The following ALAS2 variants were observed in gnomAD, a reference collection of about 807,000 sequenced individuals.
ALAS2 encodes the protein 5-aminolevulinate synthase, erythroid-specific, mitochondrial.
Under a neutral mutation model 33.7 loss-of-function variants are expected in ALAS2, and 3 were observed. That is an observed-to-expected ratio of 0.09 (90% confidence interval 0.04 to 0.23). The LOEUF is 0.23. Among genes scored for constraint, ALAS2 ranks in the 10% least tolerant of loss-of-function variants. The probability of loss-of-function intolerance (pLI) is 1.00; values close to 1 mark genes in which losing one functional copy is unlikely to be tolerated. For synonymous variants in ALAS2, 191 were observed against 177.3 expected (o/e 1.08, Z -0.61); for missense variants, 304 against 475.1 (o/e 0.64, Z 3.35).
At chrX:55,022,032 T>C (rs1228919271) in intron 4 of ALAS2, among the ~76,000 whole-genome samples, 2 of 112,289 alleles carry the variant, frequency 1.8e-5, no homozygotes. Context: ...ACCAGGGTCA[T>C]GCAGCAAGTA....
intron 7 of ALAS2, 92 bp downstream of exon 7, chrX:55,017,394 C>G (rs1488275461): frequency 1.2e-6 from 1 of 820,881 alleles, no homozygotes; most frequent in Non-Finnish European, 1.8e-6. Context: ...TAAATATTAG[C>G]TGTTATAATG....
At chrX:55,017,159 A>C (rs773375858) in intron 7 of ALAS2, among the ~76,000 whole-genome samples, 28 of 111,848 alleles carry the variant, frequency 2.5e-4, no homozygotes, top group Non-Finnish European at 4.9e-4. Context: ...TTGGATGCCA[A>C]CTCTGAACTT....
chrX:55,011,300 CTG>C, intron 10 of ALAS2, among the ~76,000 whole-genome samples: 1 of 111,842 alleles, frequency 8.9e-6, no homozygotes, highest in African/African-American at 3.2e-5. Context: ...AACTGTCAGT[CTG>C]TATATTAAAG....
At chrX:55,018,868 A>T (rs1935750589) in intron 6 of ALAS2, among the ~76,000 whole-genome samples, 1 of 111,505 alleles carries the variant, frequency 9.0e-6, no homozygotes, top group African/African-American at 3.3e-5. Context: ...AATTTTCTTT[A>T]AAAAATGATG....
rs1198055689 is a variant in ALAS2 at position 55,021,134 on chromosome X, C to G, written c.556G>C (p.Val186Leu). 2.5e-6 allele frequency: 3 copies of G among 1,211,754 alleles called. No individual in the cohort carries two copies. Among genetic ancestry groups the G allele is most frequent in the Non-Finnish European group, 3.4e-6 (3 of 895,518 alleles). ...PFAQHFSEAS[V>L]ASKDVSVWCS... is the part of the protein sequence containing the mutation. Reference sequence around the variant, plus strand: ...CAGACGGACACATCCTTTGAGGCCACAGATGCCTCAGAGAAATGTTGGGCA... The same window carrying G: ...CAGACGGACACATCCTTTGAGGCCAGAGATGCCTCAGAGAAATGTTGGGCA... Residue 186 changes from valine to leucine, a missense_variant, in exon 5 of 11, where the codon GTG becomes CTG. Physicochemically the swap from Val to Leu is conservative, Grantham distance 32 (BLOSUM62 1). Around this residue, in one of 3 missense-constraint regions of ALAS2, gnomAD observed 138 missense variants for 265.3 expected, o/e 0.52. Transcript: ENST00000650242.
chrX:55,016,024 CAT>C (rs1343454588), intron 7 of ALAS2, among the ~76,000 whole-genome samples: 4 of 91,328 alleles, frequency 4.4e-5, no homozygotes, highest in African/African-American at 1.6e-4. Context: ...TGTGTGTGCG[CAT>C]GTGTGTGTGT....
intron 9 of ALAS2, 65 bp downstream of exon 9, chrX:55,014,682 G>T: frequency 9.4e-7 from 1 of 1,064,991 alleles, no homozygotes; most frequent in Non-Finnish European, 1.2e-6. Context: ...ATGTAGGTTT[G>T]TTGGGAGCGT....
intron 4 of ALAS2, among the ~76,000 whole-genome samples, chrX:55,023,252 A>T (rs1602251326): frequency 9.1e-6 from 1 of 110,108 alleles, no homozygotes. Context: ...CTGGGAGAAA[A>T]TATAACAAAA....
intron 4 of ALAS2, 56 bp downstream of exon 4, chrX:55,023,701 C>T: frequency 9.8e-7 from 1 of 1,018,822 alleles, no homozygotes; most frequent in Middle Eastern, 2.6e-4. Context: ...GACAGAGGCC[C>T]TTTCAGAATG....
At chrX:55,011,357 A>C (rs1360003432) in intron 10 of ALAS2, among the ~76,000 whole-genome samples, 4 of 112,208 alleles carry the variant, frequency 3.6e-5, no homozygotes, top group Non-Finnish European at 7.5e-5. Context: ...AGATAAAAAA[A>C]CATAAAATTC....
chrX:55,015,726 G>C lies in ALAS2; in HGVS notation c.1020C>G (p.Leu340=), dbSNP rs773826377. ...VHSMDGAICP[L]EELCDVSHQY... is the part of the protein sequence containing the mutation. ...GGTGGGACACATCACACAACTCCTC[G>C]AGGGGACAGATGGCACCTGAGCAAA... Residue 340 remains leucine (L), a synonymous_variant, in exon 8 of 11, where the codon CTC becomes CTG. Transcript: ENST00000650242. 2 of 1,211,034 alleles carry C rather than the reference G, an allele frequency of 1.7e-6. No homozygotes were observed. Among genetic ancestry groups the C allele is most frequent in the Admixed American group, 4.4e-5 (2 of 45,947 alleles).
chrX:55,023,980 G>A (rs1191724361), intron 3 of ALAS2, 113 bp from the exon 4 acceptor site: 2 of 596,382 alleles, frequency 3.4e-6, no homozygotes, highest in East Asian at 3.6e-5. Flanking sequence ...TATAAGGTAA[G>A]GGCAGCTTCT....
chrX:55,009,358 G>C lies in ALAS2; in HGVS notation c.1601-15C>G. ...CAGCAGCTTCTCTGAAGGTGGTAGGGGGAGGGGAGGGAAAAAATGGGTTAG... is the reference window on the plus strand; with the variant it reads ...CAGCAGCTTCTCTGAAGGTGGTAGGCGGAGGGGAGGGAAAAAATGGGTTAG... On this transcript the variant is annotated splice_polypyrimidine_tract_variant and intron_variant, in intron 10 of 10. Transcript: ENST00000650242. 1 of 1,187,882 alleles carries C rather than the reference G, an allele frequency of 8.4e-7. No homozygotes were observed. The highest frequency in any genetic ancestry group is 1.1e-6 in the Non-Finnish European group (1 of 882,628).
chrX:55,020,136 G>A (rs1017207004), intron 6 of ALAS2, among the ~76,000 whole-genome samples, 184 bp downstream of exon 6: 5 of 111,692 alleles, frequency 4.5e-5, no homozygotes, highest in African/African-American at 1.6e-4. Flanking sequence ...TCCTCTCTAC[G>A]TGCAGAAGGA....
chrX:55,024,458 A>G (rs774119132), intron 3 of ALAS2, among the ~76,000 whole-genome samples: 2 of 111,916 alleles, frequency 1.8e-5, no homozygotes, highest in African/African-American at 3.3e-5. Context: ...GCCACCTGAA[A>G]AAGAGGAGTC....
At chrX:55,026,068 C>T in intron 1 of ALAS2, 53 bp from the exon 2 acceptor site, 1 of 1,117,564 alleles carries the variant, frequency 8.9e-7, no homozygotes. Context: ...TGGCAAAAAG[C>T]CAAGCCTTTG....
chrX:55,021,043 A>T lies in ALAS2; in HGVS notation c.638+9T>A. 8.3e-7 allele frequency: 1 copy of T among 1,203,054 alleles called. No individual in the cohort carries two copies. Among genetic ancestry groups the T allele is most frequent in the East Asian group, 3.0e-5 (1 of 33,770 alleles). On this transcript the variant is annotated intron_variant, in intron 5 of 10. Coordinates refer to ENST00000650242, the MANE Select transcript of ALAS2 (RefSeq NM_000032.5). ...GGCCACTGCTGATGGCTGAAAGCCTACTACTCACTGTGTGGCTTGCAAGAC... is the reference window on the plus strand; with the variant it reads ...GGCCACTGCTGATGGCTGAAAGCCTTCTACTCACTGTGTGGCTTGCAAGAC...
Position 55,027,842 on chromosome X carries a change from C to T in ALAS2, c.-15-1827G>A, listed in dbSNP as rs746475551. On this transcript the variant is annotated intron_variant, in intron 1 of 10. Transcript: ENST00000650242. ...CAGCAGCCTGGGTTGGTATGTGGGG[C>T]CAAGGCATGTGGGCCCTGAAATTGG... is the stretch of plus-strand genomic sequence containing the variant. 2.6e-6 allele frequency: 3 copies of T among 1,166,005 alleles called. No individual in the cohort carries two copies. The Admixed American group carries it at 6.5e-5, about 25-fold the overall frequency.
In ALAS2 at chrX:55,013,683, A is replaced by G; in HGVS notation, c.1438-35T>C. 8 of 1,201,912 alleles carry G rather than the reference A, an allele frequency of 6.7e-6. No homozygotes were observed. The East Asian group carries it at 2.4e-4, about 36-fold the overall frequency. Reference sequence around the variant, plus strand: ...GGAGAAAGGCTAATCAGTACCTGCCACTCTGGCTCCACCATCACTAGCTCC... The same window carrying G: ...GGAGAAAGGCTAATCAGTACCTGCCGCTCTGGCTCCACCATCACTAGCTCC... On this transcript the variant is annotated intron_variant, in intron 9 of 10. Transcript: ENST00000650242.
Sources: allele counts gnomAD v4.1 joint callset (sites outside exome capture counted in the v4.1 genomes callset), GRCh38; gene constraint gnomAD v4.1.1; regional missense constraint gnomAD v4.1.1; transcripts MANE v1.5; gene names NCBI Gene and HGNC (gene_info 2026-07-23, HGNC 2026-07-21).